The following PRR5 variants were observed in gnomAD, a reference collection of about 807,000 sequenced individuals.
The protein encoded by PRR5 is proline rich 5, also known as proline-rich protein 5.
In PRR5, 25 loss-of-function variants were observed where a neutral mutation model predicts 30.6. The observed-to-expected ratio is 0.82, with a 90% CI of 0.60 to 1.14. The LOEUF is 1.14. PRR5 is among the 50% of genes most tolerant of loss of function. PRR5 has a pLI of 0.00. For synonymous variants in PRR5, 286 were observed against 247.1 expected, an observed-to-expected ratio of 1.16 and a Z score of -1.48; for missense variants, 600 against 547.1, an observed-to-expected ratio of 1.10 and a Z score of -0.96.
At chr22:44,670,234 C>G (rs1405290708) in intron 1 of PRR5, among the ~76,000 whole-genome samples, 1 of 152,214 alleles carries the variant, frequency 6.6e-6, no homozygotes, top group African/African-American at 2.4e-5. Flanking sequence ...CAAGCCGCTC[C>G]CCTCTTGGAG....
chr22:44,715,593 T>C (rs1928933871), intron 2 of PRR5, among the ~76,000 whole-genome samples: 1 of 152,046 alleles, frequency 6.6e-6, no homozygotes, highest in South Asian at 2.1e-4. Flanking sequence ...CTCATTTTCC[T>C]GATGAGCCTC....
chr22:44,702,717 G>A, intron 1 of PRR5, 109 bp downstream of exon 1: 5 of 1,219,794 alleles, frequency 4.1e-6, no homozygotes, highest in Non-Finnish European at 5.1e-6. Flanking sequence ...TGCCGAAGGC[G>A]GCGCGGCGCT....
chr22:44,709,878 TC>T (rs1201780279), intron 1 of PRR5, among the ~76,000 whole-genome samples: 1 of 152,002 alleles, frequency 6.6e-6, no homozygotes, highest in African/African-American at 2.4e-5. Context: ...AAAAAGAACT[TC>T]CGACCTCAGA....
chr22:44,679,001 G>A (rs1249523301), intron 1 of PRR5, among the ~76,000 whole-genome samples: 1 of 152,202 alleles, frequency 6.6e-6, no homozygotes, highest in African/African-American at 2.4e-5. Flanking sequence ...GATTTCTGGG[G>A]CCTTGAAAGA....
chr22:44,707,501 G>A (rs1927415000), intron 1 of PRR5, among the ~76,000 whole-genome samples: 2 of 152,218 alleles, frequency 1.3e-5, no homozygotes, highest in Admixed American at 1.3e-4. Flanking sequence ...TTGTGCCCTA[G>A]GCCTGGCCCC....
Position 44,717,687 on chromosome 22 carries a change from G to A in PRR5, c.215+3016G>A, listed in dbSNP as rs138278632. Among the ~76,000 whole-genome samples the A allele has an allele frequency of 3.1e-3, 472 of 151,152 alleles. 2 individuals carry two copies. The highest frequency in any genetic ancestry group is 0.014 in the Middle Eastern group (4 of 292). On this transcript the variant is annotated intron_variant, in intron 2 of 7. Coordinates refer to ENST00000336985, the MANE Select transcript of PRR5 (RefSeq NM_181333.4). ...ACTCAGTGCAGTGCTCTTGAGGTCC[G>A]CTCAGGGAGGAGTACTTACCCCTGC...
chr22:44,721,963 C>T (rs189751522), intron 2 of PRR5, among the ~76,000 whole-genome samples: 101 of 152,326 alleles, frequency 6.6e-4, no homozygotes, highest in African/African-American at 1.9e-3. Flanking sequence ...GAGACAGATG[C>T]TGCGTGGACG....
chr22:44,721,297 C>G (rs746298929), intron 2 of PRR5, among the ~76,000 whole-genome samples: 1 of 152,086 alleles, frequency 6.6e-6, no homozygotes, highest in Admixed American at 6.6e-5. Context: ...GTTGAAATAC[C>G]CTCTAGAGGT....
At chr22:44,731,480 T>G (rs905043811) in intron 4 of PRR5, 10 of 562,316 alleles carry the variant, frequency 1.8e-5, no homozygotes, top group Non-Finnish European at 2.9e-5. Context: ...TAGGCTCATT[T>G]CATGCCCTCA....
intron 4 of PRR5, among the ~76,000 whole-genome samples, chr22:44,727,833 G>A (rs1263541722): frequency 1.3e-5 from 2 of 152,216 alleles, no homozygotes; most frequent in African/African-American, 4.8e-5. Flanking sequence ...GGCCAGCCAA[G>A]ACAGGAACAC....
At chr22:44,708,991 A>AG (rs1432882301) in intron 1 of PRR5, among the ~76,000 whole-genome samples, 2 of 147,260 alleles carry the variant, frequency 1.4e-5, no homozygotes, top group Non-Finnish European at 3.0e-5. Flanking sequence ...AAAAAAAAAA[A>AG]AAGAAGGTAC....
chr22:44,699,262 C>G (rs1218017642), upstream of PRR5, among the ~76,000 whole-genome samples: 1 of 152,194 alleles, frequency 6.6e-6, no homozygotes. Flanking sequence ...TTTCTTATCC[C>G]AAGCAGTCAG....
chr22:44,698,935 C>T (rs142445068), upstream of PRR5, among the ~76,000 whole-genome samples: 1,758 of 152,254 alleles, frequency 0.012, 16 homozygotes, highest in Non-Finnish European at 0.017. Context: ...GGGGCAGCCC[C>T]GCAGCTGTGC....
At chr22:44,724,163 T>A (rs1470370056) in intron 2 of PRR5, among the ~76,000 whole-genome samples, 1 of 152,190 alleles carries the variant, frequency 6.6e-6, no homozygotes, top group Admixed American at 6.5e-5. Context: ...AGGCCGGGTG[T>A]GGTGGCTCAT....
At chr22:44,730,799 G>T in intron 4 of PRR5, 1 of 568,830 alleles carries the variant, frequency 1.8e-6, no homozygotes, top group Non-Finnish European at 2.7e-6. Flanking sequence ...GGCAGAGCTG[G>T]CCTGGCCCTG....
chr22:44,732,950 CACAT>C (rs947309494), intron 6 of PRR5, among the ~76,000 whole-genome samples: 11 of 40,592 alleles, frequency 2.7e-4, no homozygotes, highest in Non-Finnish European at 1.4e-3. Context: ...CACGTGTGCA[CACAT>C]ACGCGTGCAC....
intron 2 of PRR5, among the ~76,000 whole-genome samples, chr22:44,716,152 G>C (rs1486544637): frequency 6.6e-6 from 1 of 152,166 alleles, no homozygotes; most frequent in Admixed American, 6.5e-5. Context: ...TGGGGGTGGG[G>C]GCACAGAGAA....
At chr22:44,714,511 GA>G in intron 1 of PRR5, 79 bp from the exon 2 acceptor site, 2 of 1,568,400 alleles carry the variant, frequency 1.3e-6, no homozygotes. Context: ...AGGAGAGAGG[GA>G]AAGAGGAATG....
At chr22:44,727,239 G>A (rs1251924752) in intron 4 of PRR5, among the ~76,000 whole-genome samples, 4 of 152,022 alleles carry the variant, frequency 2.6e-5, no homozygotes, top group Admixed American at 6.5e-5. Flanking sequence ...GGAGGTCCCC[G>A]CTGGCCTCAC....
Sources: allele counts gnomAD v4.1 joint callset (sites outside exome capture counted in the v4.1 genomes callset), GRCh38; gene constraint gnomAD v4.1.1; transcripts MANE v1.5; gene names NCBI Gene and HGNC (gene_info 2026-07-23, HGNC 2026-07-21).